PTPRD: variants seen among roughly 807,000 people sequenced by gnomAD.
PTPRD encodes the protein receptor-type tyrosine-protein phosphatase delta.
A neutral mutation model predicts 214.5 loss-of-function variants in PTPRD; 34 were observed. That is an observed-to-expected ratio of 0.16 (90% confidence interval 0.12 to 0.21). The LOEUF (loss-of-function observed/expected upper bound fraction) is 0.21. Among genes scored for constraint, PTPRD ranks in the 10% least tolerant of loss-of-function variants. The pLI is 1.00. For missense variants in PTPRD, 2,545 were observed against 2,398.7 expected, an observed-to-expected ratio of 1.06 and a Z score of -1.27; for synonymous variants, 1,128 against 845.7, an observed-to-expected ratio of 1.33 and a Z score of -5.79.
chr9:10,163,018 T>G (rs947052593), intron 3 of PTPRD, among the ~76,000 whole-genome samples: 1 of 150,582 alleles, frequency 6.6e-6, no homozygotes, highest in Non-Finnish European at 1.5e-5. Flanking sequence ...TAAATGTCTA[T>G]CTCTCTATAT....
At chr9:9,385,650 T>G (rs1022113970) in intron 9 of PTPRD, among the ~76,000 whole-genome samples, 1 of 152,126 alleles carries the variant, frequency 6.6e-6, no homozygotes, top group Non-Finnish European at 1.5e-5. Flanking sequence ...TTAGTGAAAG[T>G]GAATACAGGC....
intron 8 of PTPRD, among the ~76,000 whole-genome samples, chr9:9,535,647 C>T (rs900608642): frequency 6.6e-6 from 1 of 151,978 alleles, no homozygotes; most frequent in African/African-American, 2.4e-5. Flanking sequence ...TCTATTTACC[C>T]ATATACTTAT....
At chr9:9,617,950 C>T (rs986493514) in intron 7 of PTPRD, among the ~76,000 whole-genome samples, 1 of 150,692 alleles carries the variant, frequency 6.6e-6, no homozygotes, top group Non-Finnish European at 1.5e-5. Flanking sequence ...CGGGCGCCTG[C>T]GGTCCCTGCT....
At chr9:8,578,708 T>C (rs561786530) in intron 14 of PTPRD, among the ~76,000 whole-genome samples, 5 of 152,286 alleles carry the variant, frequency 3.3e-5, no homozygotes, top group South Asian at 4.1e-4. Context: ...GGGCTTAACA[T>C]GTTGTACTTT....
At position 10,450,112 on chromosome 9, in the gene PTPRD, G is replaced by A. The variant is rs12682810; in HGVS notation, c.-599-109095C>T. Reference sequence around the variant, plus strand: ...AGGGACACAAACACTGCGGAAGGCCGCAGGGTCCTCTGCCTAGGAAAACCA... The same window carrying A: ...AGGGACACAAACACTGCGGAAGGCCACAGGGTCCTCTGCCTAGGAAAACCA... On this transcript the variant is annotated intron_variant, in intron 2 of 45. Coordinates refer to ENST00000381196, the MANE Select transcript of PTPRD (RefSeq NM_002839.4). Among the ~76,000 whole-genome samples, 1,346 of 151,492 alleles carry A rather than the reference G, an allele frequency of 8.9e-3. 20 individuals carry two copies. Among genetic ancestry groups the A allele is most frequent in the African/African-American group, 0.025 (1,023 of 40,944 alleles).
intron 22 of PTPRD, among the ~76,000 whole-genome samples, chr9:8,505,199 G>C (rs1450942086): frequency 2.0e-5 from 3 of 152,112 alleles, no homozygotes; most frequent in African/African-American, 7.2e-5. Context: ...AAGTGTCTAT[G>C]GGTAATCAAT....
At chr9:9,373,234 G>A (rs1596561392) in intron 9 of PTPRD, among the ~76,000 whole-genome samples, 1 of 151,908 alleles carries the variant, frequency 6.6e-6, no homozygotes, top group South Asian at 2.1e-4. Context: ...GTGTAATCGT[G>A]GACAAGCTAC....
chr9:10,509,035 G>A (rs2047050224), intron 2 of PTPRD, among the ~76,000 whole-genome samples: 1 of 151,858 alleles, frequency 6.6e-6, no homozygotes, highest in Non-Finnish European at 1.5e-5. Context: ...CATGGCTAAA[G>A]GAAATACCTG....
intron 14 of PTPRD, among the ~76,000 whole-genome samples, chr9:8,593,193 G>GA (rs1312347348): frequency 3.3e-5 from 5 of 152,136 alleles, no homozygotes; most frequent in Non-Finnish European, 1.5e-5. Context: ...GCATTTGATT[G>GA]AAAAAAGACC....
chr9:9,794,865 A>G (rs1446149246), intron 5 of PTPRD, among the ~76,000 whole-genome samples: 2 of 152,202 alleles, frequency 1.3e-5, no homozygotes, highest in Non-Finnish European at 2.9e-5. Flanking sequence ...TGGCAGTGCT[A>G]AATTAGAATA....
chr9:10,090,646 T>C (rs1484927014), intron 3 of PTPRD, among the ~76,000 whole-genome samples: 1 of 148,686 alleles, frequency 6.7e-6, no homozygotes, highest in Non-Finnish European at 1.5e-5. Flanking sequence ...AACCACCAAC[T>C]AAGAACCAGA....
chr9:9,734,348 T>C (rs2098255149), intron 7 of PTPRD, among the ~76,000 whole-genome samples, 185 bp downstream of exon 7: 1 of 152,152 alleles, frequency 6.6e-6, no homozygotes, highest in Non-Finnish European at 1.5e-5. Context: ...GGACTTATCA[T>C]ATTGTCTAAT....
intron 9 of PTPRD, among the ~76,000 whole-genome samples, chr9:9,297,809 T>C (rs1953668807): frequency 6.6e-6 from 1 of 151,640 alleles, no homozygotes; most frequent in East Asian, 1.9e-4. Flanking sequence ...AAGAGTTAAA[T>C]GACTAGCTTA....
intron 3 of PTPRD, among the ~76,000 whole-genome samples, chr9:10,046,184 AATAG>A (rs1567292353): frequency 2.6e-5 from 4 of 151,856 alleles, no homozygotes; most frequent in Non-Finnish European, 5.9e-5. Context: ...CATTAGTGAC[AATAG>A]ATAAACACAC....
chr9:10,169,597 A>G (rs1249244783), intron 3 of PTPRD, among the ~76,000 whole-genome samples: 1 of 152,126 alleles, frequency 6.6e-6, no homozygotes, highest in Admixed American at 6.5e-5. Context: ...TAGGTCAACT[A>G]TTTAAAGGTA....
intron 5 of PTPRD, among the ~76,000 whole-genome samples, chr9:9,926,296 G>T (rs2084283997): frequency 6.6e-6 from 1 of 152,012 alleles, no homozygotes; most frequent in Non-Finnish European, 1.5e-5. Flanking sequence ...AAGAATTGCT[G>T]GGAAACAGTA....
intron 5 of PTPRD, among the ~76,000 whole-genome samples, chr9:9,847,794 G>A (rs950759805): frequency 3.3e-5 from 5 of 152,080 alleles, no homozygotes; most frequent in South Asian, 2.1e-4. Flanking sequence ...GAGCTGGTAG[G>A]GCTGTCGGTG....
intron 2 of PTPRD, among the ~76,000 whole-genome samples, chr9:10,389,664 T>C (rs187503601): frequency 3.0e-3 from 455 of 152,008 alleles, no homozygotes; most frequent in African/African-American, 0.01. Context: ...GCCAAAATCA[T>C]AGCACATGAC....
At chr9:9,034,371 T>C (rs748750924) in intron 10 of PTPRD, among the ~76,000 whole-genome samples, 1 of 152,126 alleles carries the variant, frequency 6.6e-6, no homozygotes, top group Non-Finnish European at 1.5e-5. Context: ...TGTTTGATGG[T>C]GGACAAGTTA....
Sources: gnomAD v4.1 joint callset for allele counts (sites outside exome capture counted in the v4.1 genomes callset) on GRCh38, gnomAD v4.1.1 for gene constraint, MANE v1.5 for transcripts, NCBI Gene and HGNC (gene_info 2026-07-23, HGNC 2026-07-21) for gene names.